Variants in KMT2C observed in about 807,000 individuals in gnomAD.
The protein encoded by KMT2C is lysine methyltransferase 2C.
Under a neutral mutation model 507.9 loss-of-function variants are expected in KMT2C, and 88 were observed. That is an observed-to-expected ratio of 0.17 (90% CI 0.15 to 0.21). The LOEUF (loss-of-function observed/expected upper bound fraction) is 0.21, where lower values mean the gene tolerates loss of function less well. KMT2C is among the 10% of genes least tolerant of loss of function. The pLI, the probability that KMT2C is intolerant of heterozygous loss-of-function variation, is 1.00. For missense variants in KMT2C, 4,954 were observed against 5,957.8 expected (o/e 0.83, Z 5.55); for synonymous variants, 2,049 against 2,080.8 (o/e 0.98, Z 0.42).
chr7:152,423,758 G>A (rs898900785), intron 1 of KMT2C, among the ~76,000 whole-genome samples: 13 of 152,220 alleles, frequency 8.5e-5, no homozygotes, highest in African/African-American at 2.6e-4. Context: ...TGATATACCC[G>A]GCTGTTAAGA....
chr7:152,283,586 A>G (rs1226624221), intron 6 of KMT2C, among the ~76,000 whole-genome samples: 1 of 152,204 alleles, frequency 6.6e-6, no homozygotes, highest in Non-Finnish European at 1.5e-5. Context: ...TACACAGATA[A>G]AACGAGTTTC....
At chr7:152,363,789 T>C (rs2097215054) in intron 1 of KMT2C, among the ~76,000 whole-genome samples, 1 of 152,172 alleles carries the variant, frequency 6.6e-6, no homozygotes, top group Admixed American at 6.5e-5. Context: ...TGCAGAGGGA[T>C]ACCCTTGAGT....
chr7:152,378,843 G>A (rs2097348740), intron 1 of KMT2C, among the ~76,000 whole-genome samples: 1 of 152,180 alleles, frequency 6.6e-6, no homozygotes, highest in South Asian at 2.1e-4. Context: ...GAAGTTCTCA[G>A]TTTTGGGGGT....
chr7:152,230,108 A>C, intron 17 of KMT2C, 81 bp from the exon 18 acceptor site: 1 of 877,254 alleles, frequency 1.1e-6, no homozygotes, highest in Non-Finnish European at 1.8e-6. Flanking sequence ...ATACCTTCTT[A>C]ACTAATATAG....
At chr7:152,399,719 A>T (rs554190738) in intron 1 of KMT2C, among the ~76,000 whole-genome samples, 1 of 152,190 alleles carries the variant, frequency 6.6e-6, no homozygotes, top group South Asian at 2.1e-4. Flanking sequence ...GACAGGTAAG[A>T]GGGAGGGCAA....
In KMT2C at chr7:152,194,135, G is replaced by A. The variant is rs2129128884; in HGVS notation, c.4541-7C>T. ...ACATCTTTTCCGCCAAGCTCTAGGAGATAAAACAATAATAGTAACAAGATT... is the reference window on the plus strand; with the variant it reads ...ACATCTTTTCCGCCAAGCTCTAGGAAATAAAACAATAATAGTAACAAGATT... On this transcript the variant is annotated splice_region_variant and splice_polypyrimidine_tract_variant and intron_variant, in intron 30 of 58. Transcript: ENST00000262189. The A allele has an allele frequency of 6.4e-7, 1 of 1,570,376 alleles. No individual in the cohort carries two copies. Among genetic ancestry groups the A allele is most frequent in the South Asian group, 1.2e-5 (1 of 82,816 alleles).
rs1037996653 is a variant in KMT2C at position 152,389,049 on chromosome 7, A to G, written c.162-30374T>C. 2.6e-5 allele frequency among the ~76,000 whole-genome samples: 4 copies of G among 151,940 alleles called. No homozygotes were observed. The South Asian group carries it at 6.2e-4, about 24-fold the overall frequency. ...AGGCATGAGCCACCGCGCCCGACCA[A>G]CTTTTTGTATTTTTAGTAGAGATGG... On this transcript the variant is annotated intron_variant, in intron 1 of 58. Transcript: ENST00000262189.
intron 6 of KMT2C, among the ~76,000 whole-genome samples, chr7:152,281,258 T>C (rs796808502): frequency 6.6e-6 from 1 of 151,790 alleles, no homozygotes; most frequent in Admixed American, 6.6e-5. Context: ...CCTGGATATA[T>C]ACAAATAAAG....
chr7:152,268,952 C>T (rs2095908794), intron 7 of KMT2C, among the ~76,000 whole-genome samples: 1 of 152,106 alleles, frequency 6.6e-6, no homozygotes, highest in African/African-American at 2.4e-5. Flanking sequence ...AAAATCTTAA[C>T]AGGAGAAAAA....
At chr7:152,430,500 C>T (rs528616463) in intron 1 of KMT2C, among the ~76,000 whole-genome samples, 26 of 152,190 alleles carry the variant, frequency 1.7e-4, no homozygotes, top group Admixed American at 1.2e-3. Flanking sequence ...GTATCTAACA[C>T]GTCCCCACCA....
In KMT2C at chr7:152,145,312, C is replaced by T. The variant is rs2240819; in HGVS notation, c.14032-17G>A. ...CCCAGGAAGCTGAAAAGAAGCAAAG[C>T]AGACACAAAGTCACCCCATCTGATG... On this transcript the variant is annotated splice_polypyrimidine_tract_variant and intron_variant, in intron 53 of 58. Transcript: ENST00000262189. 0.044 allele frequency: 70,414 copies of T among 1,611,940 alleles called. 5,578 individuals are homozygous for T. Among genetic ancestry groups the T allele is most frequent in the African/African-American group, 0.32 (23,599 of 74,830 alleles).
At chr7:152,205,378 T>C (rs886066004) in intron 24 of KMT2C, among the ~76,000 whole-genome samples, 153 bp from the exon 25 acceptor site, 2 of 57,178 alleles carry the variant, frequency 3.5e-5, no homozygotes, top group African/African-American at 7.4e-5. Context: ...TTAGGTAAAA[T>C]AGAAGTTAAA....
intron 1 of KMT2C, among the ~76,000 whole-genome samples, chr7:152,377,090 C>T (rs1479918508): frequency 2.0e-5 from 3 of 152,302 alleles, no homozygotes; most frequent in Non-Finnish European, 2.9e-5. Flanking sequence ...GGTAACTTGA[C>T]GTTGAAGCTA....
At chr7:152,272,651 A>G (rs1190168762) in intron 7 of KMT2C, among the ~76,000 whole-genome samples, 1 of 152,204 alleles carries the variant, frequency 6.6e-6, no homozygotes, top group Non-Finnish European at 1.5e-5. Context: ...TAGCCTAAAT[A>G]TAATTTAAAA....
intron 27 of KMT2C, 60 bp from the exon 28 acceptor site, chr7:152,196,071 G>A (rs992020876): frequency 3.1e-6 from 3 of 982,910 alleles, no homozygotes; most frequent in Non-Finnish European, 4.5e-6. Context: ...TAAGCCATTT[G>A]CTAAAAACCT....
chr7:152,381,043 A>T (rs1478502495), intron 1 of KMT2C, among the ~76,000 whole-genome samples: 7 of 152,270 alleles, frequency 4.6e-5, no homozygotes, highest in African/African-American at 1.4e-4. Flanking sequence ...AATAATCCAG[A>T]TTGGGAAATC....
chr7:152,252,355 TTA>T (rs2095575470), intron 10 of KMT2C, among the ~76,000 whole-genome samples, 189 bp downstream of exon 10: 1 of 152,234 alleles, frequency 6.6e-6, no homozygotes, highest in Admixed American at 6.5e-5. Context: ...TGGTCTGGTC[TTA>T]TCTTTTGCCC....
intron 6 of KMT2C, among the ~76,000 whole-genome samples, chr7:152,299,519 T>C (rs2096547629): frequency 6.6e-6 from 1 of 151,546 alleles, no homozygotes; most frequent in African/African-American, 2.4e-5. Context: ...CCAGGTGTGG[T>C]GGTGCACAAC....
intron 1 of KMT2C, among the ~76,000 whole-genome samples, chr7:152,410,424 A>AAC (rs2097669549): frequency 6.6e-6 from 1 of 151,228 alleles, no homozygotes; most frequent in Admixed American, 6.6e-5. Flanking sequence ...AAAAAAAAAA[A>AAC]AAAATTAGCC....
Sources: allele counts gnomAD v4.1 joint callset (sites outside exome capture counted in the v4.1 genomes callset), GRCh38; gene constraint gnomAD v4.1.1; transcripts MANE v1.5; gene names NCBI Gene and HGNC (gene_info 2026-07-23, HGNC 2026-07-21).